The following ANO7 variants were observed in gnomAD, a reference collection of about 807,000 sequenced individuals.
ANO7 encodes anoctamin 7, also known as anoctamin-7.
In ANO7, 114 loss-of-function variants were observed where a neutral mutation model predicts 115.8. That is an observed-to-expected ratio of 0.98 (90% CI 0.85 to 1.15). ANO7 has a LOEUF of 1.15. Ranked by LOEUF, ANO7 falls within the 50% of genes most tolerant of loss-of-function variation. The probability of loss-of-function intolerance (pLI) is 0.00; values close to 1 mark genes in which losing one functional copy is unlikely to be tolerated. For synonymous variants in ANO7, 550 were observed against 498.2 expected (o/e 1.10, Z -1.38); for missense variants, 1,302 against 1,201.2 (o/e 1.08, Z -1.24).
In ANO7 at chr2:241,218,197, G is replaced by T. The variant is rs539918963; in HGVS notation, c.2179-42G>T. 168 of 1,280,058 alleles carry T rather than the reference G, an allele frequency of 1.3e-4. 1 individual carries two copies. The South Asian group carries it at 3.0e-3, about 23-fold the overall frequency. 79.3% of individuals were successfully genotyped at this position (1,280,058 alleles called of 1,614,324 possible). A position where few individuals can be genotyped will look rare whatever the true frequency, so the allele number is the denominator to read the frequency against. On this transcript the variant is annotated intron_variant, in intron 20 of 24. Coordinates refer to ENST00000674324, the MANE Select transcript of ANO7 (RefSeq NM_001370694.2). ...AGGGGCGGAGCGGGGGCGCGCAGGGGCGGAGCGGGGGCCGCCTCGCGCTGA... is the reference window on the plus strand; with the variant it reads ...AGGGGCGGAGCGGGGGCGCGCAGGGTCGGAGCGGGGGCCGCCTCGCGCTGA...
At chr2:241,196,363 G>A (rs1316917426) in intron 4 of ANO7, among the ~76,000 whole-genome samples, 1 of 152,140 alleles carries the variant, frequency 6.6e-6, no homozygotes, top group Non-Finnish European at 1.5e-5. Flanking sequence ...GGGGCTTGGG[G>A]CAGCTGGGGA....
rs766407556 is a variant in ANO7 at position 241,224,248 on chromosome 2, T to C, written c.*95T>C. Reference sequence around the variant, plus strand: ...CCTCTTCCCTCAGGCAGCGGCTGTGTGAACCGCTGGCTGCTGTTGTGCCTC... The same window carrying C: ...CCTCTTCCCTCAGGCAGCGGCTGTGCGAACCGCTGGCTGCTGTTGTGCCTC... On this transcript the variant is annotated 3_prime_UTR_variant, in exon 25 of 25. Transcript: ENST00000674324. 218 of 1,390,512 alleles carry C rather than the reference T, an allele frequency of 1.6e-4. No individual in the cohort carries two copies. Among genetic ancestry groups the C allele is most frequent in the Admixed American group, 2.7e-4 (14 of 52,530 alleles). The allele number at this position is 1,390,512 out of a possible 1,614,324, so 86.1% of individuals were successfully genotyped here.
In ANO7 at chr2:241,225,553, TG is replaced by T. The variant is rs1314442115; in HGVS notation, c.*1402del. 2.0e-5 allele frequency among the ~76,000 whole-genome samples: 3 copies of T among 152,134 alleles called. No homozygotes were observed. The highest frequency in any genetic ancestry group is 6.5e-5 in the Admixed American group (1 of 15,274). ...AACACACACACACAAAAAGAATATG[TG>T]GTTTTAATGTGCTTTGATGAGTACT... On this transcript the variant is annotated 3_prime_UTR_variant, in exon 25 of 25. Coordinates refer to ENST00000674324, the MANE Select transcript of ANO7 (RefSeq NM_001370694.2).
At chr2:241,196,945 T>C (rs2068350929) in intron 4 of ANO7, among the ~76,000 whole-genome samples, 1 of 152,064 alleles carries the variant, frequency 6.6e-6, no homozygotes, top group East Asian at 1.9e-4. Context: ...CATGTGCATA[T>C]GGCCAACCAC....
Sources: gnomAD v4.1 joint callset for allele counts (sites outside exome capture counted in the v4.1 genomes callset) on GRCh38, gnomAD v4.1.1 for gene constraint, MANE v1.5 for transcripts, NCBI Gene and HGNC (gene_info 2026-07-23, HGNC 2026-07-21) for gene names.